ATP1A3: variants seen among roughly 807,000 people sequenced by gnomAD.
ATP1A3 encodes sodium/potassium-transporting ATPase subunit alpha-3.
Under a neutral mutation model 108.8 loss-of-function variants are expected in ATP1A3, and 12 were observed. That is an observed-to-expected ratio of 0.11 (90% CI 0.07 to 0.18). The LOEUF (loss-of-function observed/expected upper bound fraction) is 0.18. ATP1A3 is among the 10% of genes least tolerant of loss of function. ATP1A3 has a pLI of 1.00. For synonymous variants in ATP1A3, 539 were observed against 564.5 expected (o/e 0.95, Z 0.64); for missense variants, 498 against 1,387.7 (o/e 0.36, Z 10.19).
chr19:41,969,372 G>A (rs1599705067), intron 19 of ATP1A3, 63 bp downstream of exon 19: 1 of 1,612,492 alleles, frequency 6.2e-7, no homozygotes, highest in East Asian at 2.2e-5. Flanking sequence ...GCCATGCATG[G>A]CTGGAACAGC....
chr19:41,978,336 G>A lies in ATP1A3; in HGVS notation c.1631-10C>T. ...TAATAATGGCAGAAACCTAGTGGCA[G>A]GGAAGGGTTGGGGTGTGAGGGTCCC... On this transcript the variant is annotated splice_polypyrimidine_tract_variant and intron_variant, in intron 12 of 22. Coordinates refer to ENST00000648268, the MANE Select transcript of ATP1A3 (RefSeq NM_152296.5). This position sits in a 1 kb window ranked among gnomAD's most constrained non-coding sequence, Gnocchi z 8.3. 1 of 1,588,986 alleles carries A rather than the reference G, an allele frequency of 6.3e-7. No homozygotes were observed. Among genetic ancestry groups the A allele is most frequent in the Non-Finnish European group, 8.6e-7 (1 of 1,168,282 alleles).
In ATP1A3 at chr19:41,975,752, C is replaced by T. The variant is rs2145959562; in HGVS notation, c.2140G>A (p.Ala714Thr). The T allele has an allele frequency of 1.2e-6, 2 of 1,614,070 alleles. No homozygotes were observed. The highest frequency in any genetic ancestry group is 8.5e-7 in the Non-Finnish European group (1 of 1,179,974). The change falls in exon 16 of 23, where the codon GCT (alanine) becomes ACT (threonine). Residue 714 changes from alanine to threonine, a missense_variant. Physicochemically the swap from Ala to Thr is moderately conservative, Grantham distance 58. Around this residue, in one of 9 missense-constraint regions of ATP1A3, gnomAD observed 121 missense variants for 425.1 expected, o/e 0.28. Coordinates refer to ENST00000648268, the MANE Select transcript of ATP1A3 (RefSeq NM_152296.5). ...VTGDGVNDSP[A>T]LKKADIGVAM... is the part of the protein sequence containing the mutation. The stretch of plus-strand genomic sequence containing the variant: ...ACCCCAATGTCGGCCTTCTTCAGAG[C>T]GGGGGAGTCGTTCACACCATCCCCG...
chr19:41,985,876 G>A lies in ATP1A3; in HGVS notation c.594C>T (p.Ala198=), dbSNP rs1555865244. 1.9e-6 allele frequency: 3 copies of A among 1,614,054 alleles called. No individual in the cohort carries two copies. The South Asian group carries it at 3.3e-5, about 18-fold the overall frequency. The change falls in exon 6 of 23, where the codon GCC becomes GCT. Residue 198 remains alanine (A), a synonymous_variant. Coordinates refer to ENST00000648268, the MANE Select transcript of ATP1A3 (RefSeq NM_152296.5). The surrounding 1 kb of genome is among the most constrained non-coding windows in gnomAD (Gnocchi z 8.2). ...RVPADLRIIS[A]HGCKVDNSSL... ...GGCCCAGGCCCACCTTGCAGCCGTG[G>A]GCTGAGATGATCCGCAGGTCAGCTG...
intron 1 of ATP1A3, among the ~76,000 whole-genome samples, chr19:41,990,213 G>A (rs1217298556): frequency 2.7e-5 from 4 of 150,584 alleles, no homozygotes; most frequent in Non-Finnish European, 5.9e-5. Flanking sequence ...CTCTCTCTCT[G>A]TCTCTCTAAT....
At chr19:41,984,882 G>A in intron 8 of ATP1A3, 36 bp downstream of exon 8, 2 of 1,593,212 alleles carry the variant, frequency 1.3e-6, no homozygotes, top group Non-Finnish European at 1.7e-6. Context: ...CAGACCCCCA[G>A]GCCCTCCCCA....
Position 41,988,702 on chromosome 19 carries a change from C to T in ATP1A3, c.7-140G>A. 6.5e-7 allele frequency: 1 copy of T among 1,535,628 alleles called. No homozygotes were observed. The highest frequency in any genetic ancestry group is 8.7e-7 in the Non-Finnish European group (1 of 1,143,492). The stretch of plus-strand genomic sequence containing the variant: ...TCTCTGGGTGGGGGGTCTCTGTCTG[C>T]CTCTCGGGGTCTCCCTGTGTCTCCC... On this transcript the variant is annotated intron_variant, in intron 1 of 22. Transcript: ENST00000648268. The surrounding 1 kb of genome is among the most constrained non-coding windows in gnomAD (Gnocchi z 5.3).
intron 4 of ATP1A3, 193 bp from the exon 5 acceptor site, chr19:41,986,422 G>A: frequency 1.9e-6 from 1 of 540,412 alleles, no homozygotes; most frequent in Non-Finnish European, 3.3e-6. Context: ...TTTCTGTAAT[G>A]GTTGTGTTTG....
At chr19:41,970,135 C>T (rs1014408136) in intron 18 of ATP1A3, 50 bp downstream of exon 18, 27 of 1,614,086 alleles carry the variant, frequency 1.7e-5, no homozygotes, top group Non-Finnish European at 2.1e-5. Context: ...CCAGGCACTG[C>T]TCTAGGCCCG....
chr19:41,985,518 G>A lies in ATP1A3; in HGVS notation c.607-95C>T, dbSNP rs1056990395. ...CTTGGGGCTGAAGCCTGTGTGCCTGGAGATCACAGCTAGAAGCCTGGGTGC... is the reference window on the plus strand; with the variant it reads ...CTTGGGGCTGAAGCCTGTGTGCCTGAAGATCACAGCTAGAAGCCTGGGTGC... On this transcript the variant is annotated intron_variant, in intron 6 of 22. Coordinates refer to ENST00000648268, the MANE Select transcript of ATP1A3 (RefSeq NM_152296.5). This position sits in a 1 kb window ranked among gnomAD's most constrained non-coding sequence, Gnocchi z 8.2. The A allele has an allele frequency of 3.2e-6, 4 of 1,256,444 alleles. No homozygotes were observed. Among genetic ancestry groups the A allele is most frequent in the East Asian group, 4.6e-5 (2 of 43,034 alleles). 77.8% of individuals were successfully genotyped at this position (1,256,444 alleles called of 1,614,324 possible).
At position 41,993,878 on chromosome 19, in the gene ATP1A3, G is replaced by T. The variant is rs1256577893; in HGVS notation, c.6+193C>A. 7.9e-6 allele frequency: 8 copies of T among 1,018,948 alleles called. No homozygotes were observed. The Admixed American group carries it at 1.5e-4, about 20-fold the overall frequency. 63.1% of individuals were successfully genotyped at this position (1,018,948 alleles called of 1,614,324 possible). A position where few individuals can be genotyped will look rare whatever the true frequency, so the allele number is the denominator to read the frequency against. On this transcript the variant is annotated intron_variant, in intron 1 of 22. Coordinates refer to ENST00000648268, the MANE Select transcript of ATP1A3 (RefSeq NM_152296.5). Reference sequence around the variant, plus strand: ...TCTCCGCACACAAAGCCATGCCAACGTGCGCCACAGACCCCCCGCCGCCCC... The same window carrying T: ...TCTCCGCACACAAAGCCATGCCAACTTGCGCCACAGACCCCCCGCCGCCCC...
chr19:41,988,224 C>T lies in ATP1A3; in HGVS notation c.154-85G>A. On this transcript the variant is annotated intron_variant, in intron 3 of 22. Transcript: ENST00000648268. The surrounding 1 kb of genome is among the most constrained non-coding windows in gnomAD (Gnocchi z 5.3). Reference sequence around the variant, plus strand: ...CACCAGACCCCCAGAACTTAAGACACCAGCCACAGCCCCTCCTCCCTCAGA... The same window carrying T: ...CACCAGACCCCCAGAACTTAAGACATCAGCCACAGCCCCTCCTCCCTCAGA... 1.9e-6 allele frequency: 3 copies of T among 1,612,146 alleles called. No homozygotes were observed. In the South Asian group the frequency reaches 3.3e-5, roughly 18 times the overall value.
chr19:41,972,614 A>C (rs1229909227), intron 16 of ATP1A3, among the ~76,000 whole-genome samples: 3 of 151,758 alleles, frequency 2.0e-5, no homozygotes, highest in Non-Finnish European at 4.4e-5. Flanking sequence ...AAACACAAAA[A>C]ATTAGCTGGG....
At chr19:41,986,523 A>T in intron 4 of ATP1A3, 2 of 345,246 alleles carry the variant, frequency 5.8e-6, no homozygotes, top group South Asian at 4.7e-5. Flanking sequence ...GCTCACTGCA[A>T]TCTCCGCCTC....
intron 4 of ATP1A3, among the ~76,000 whole-genome samples, chr19:41,986,867 G>A (rs143359443): frequency 2.8e-4 from 42 of 151,142 alleles, no homozygotes; most frequent in African/African-American, 8.3e-4. Flanking sequence ...CTCAGCCTCC[G>A]GAGTAGCTAG....
chr19:41,988,264 C>A lies in ATP1A3; in HGVS notation c.153+54G>T, dbSNP rs2075304699. 6.2e-7 allele frequency: 1 copy of A among 1,613,076 alleles called. No individual in the cohort carries two copies. Among genetic ancestry groups the A allele is most frequent in the East Asian group, 2.2e-5 (1 of 44,886 alleles). ...CCTCCCTCAGACCCAGGGGTCCTAGCCCCCAGCTCCTCCTCCCTAGTTCCC... is the reference window on the plus strand; with the variant it reads ...CCTCCCTCAGACCCAGGGGTCCTAGACCCCAGCTCCTCCTCCCTAGTTCCC... On this transcript the variant is annotated intron_variant, in intron 3 of 22. Coordinates refer to ENST00000648268, the MANE Select transcript of ATP1A3 (RefSeq NM_152296.5). This position sits in a 1 kb window ranked among gnomAD's most constrained non-coding sequence, Gnocchi z 5.3.
At chr19:41,987,066 G>A (rs2075293783) in intron 4 of ATP1A3, among the ~76,000 whole-genome samples, 1 of 152,184 alleles carries the variant, frequency 6.6e-6, no homozygotes, top group South Asian at 2.1e-4. Context: ...TTGTGTGTGT[G>A]TCTGTCCTCC....
chr19:41,993,487 A>T, intron 1 of ATP1A3: 1 of 1,502,708 alleles, frequency 6.7e-7, no homozygotes. Context: ...CCAGGCTGCG[A>T]CACTGCGGAG....
At chr19:41,993,240 G>T in intron 1 of ATP1A3, 1 of 660,956 alleles carries the variant, frequency 1.5e-6, no homozygotes, top group Non-Finnish European at 2.6e-6. Flanking sequence ...CAAGGGTCAG[G>T]TGGTCAGCCA....
In ATP1A3 at chr19:41,985,096, G is replaced by C; in HGVS notation, c.815C>G (p.Thr272Arg). The change falls in exon 8 of 23, where the codon ACG (threonine) becomes AGG (arginine). Residue 272 changes from threonine (T) to arginine (R), a missense_variant. Thr to Arg is a moderately conservative substitution (Grantham distance 71). Coordinates refer to ENST00000648268, the MANE Select transcript of ATP1A3 (RefSeq NM_152296.5). The surrounding 1 kb of genome is among the most constrained non-coding windows in gnomAD (Gnocchi z 8.2). ...TLASGLEVGKTPIAIEIEHFI... is the reference protein window; with the variant it reads ...TLASGLEVGKRPIAIEIEHFI... ...GTGCTCAATCTCGATGGCGATGGGC[G>C]TCTTGCCCACCTCCAGCCCTGATGC... The C allele has an allele frequency of 6.2e-7, 1 of 1,613,892 alleles. No homozygotes were observed. The highest frequency in any genetic ancestry group is 8.5e-7 in the Non-Finnish European group (1 of 1,179,902).
Sources: gnomAD v4.1 joint callset for allele counts (sites outside exome capture counted in the v4.1 genomes callset) on GRCh38, gnomAD v4.1.1 for gene constraint, gnomAD v4.1.1 regional missense constraint, Gnocchi (gnomAD v3.1) non-coding constraint, MANE v1.5 for transcripts, NCBI Gene and HGNC (gene_info 2026-07-23, HGNC 2026-07-21) for gene names.